The following ONECUT1 variants were observed in gnomAD, a reference collection of about 807,000 sequenced individuals.
ONECUT1 encodes hepatocyte nuclear factor 6.
In ONECUT1, 12 loss-of-function variants were observed where a neutral mutation model predicts 25.6. The ratio of observed to expected loss-of-function variants is 0.47; its 90% confidence interval spans 0.30 to 0.76. The LOEUF (loss-of-function observed/expected upper bound fraction) is 0.76. Ranked by LOEUF, ONECUT1 falls within the 30% of genes least tolerant of loss-of-function variation. The pLI, the probability that ONECUT1 is intolerant of heterozygous loss-of-function variation, is 0.07. For synonymous variants in ONECUT1, 285 were observed against 270.2 expected (o/e 1.05, Z -0.54); for missense variants, 620 against 651.2 (o/e 0.95, Z 0.52).
At chr15:52,773,315 G>C (rs1417239969) in intron 1 of ONECUT1, among the ~76,000 whole-genome samples, 1 of 152,110 alleles carries the variant, frequency 6.6e-6, no homozygotes, top group Non-Finnish European at 1.5e-5. Context: ...TATAAATAGG[G>C]AATGGGGGAA....
intron 1 of ONECUT1, chr15:52,787,238 C>G (rs1375239999): frequency 6.6e-6 from 1 of 152,268 alleles, no homozygotes; most frequent in Non-Finnish European, 1.5e-5. Flanking sequence ...AGGACTTTGC[C>G]TGGGGCGAAC....
At chr15:52,770,600 G>A (rs2083761244) in intron 1 of ONECUT1, among the ~76,000 whole-genome samples, 1 of 152,108 alleles carries the variant, frequency 6.6e-6, no homozygotes, top group South Asian at 2.1e-4. Context: ...CAAAGGGGCG[G>A]CTTGTTCACA....
At chr15:52,774,311 ATTTT>A (rs981601925) in intron 1 of ONECUT1, among the ~76,000 whole-genome samples, 52 of 151,766 alleles carry the variant, frequency 3.4e-4, no homozygotes, top group Admixed American at 6.0e-4. Flanking sequence ...TTATTTATTT[ATTTT>A]TTGAGACAGA....
intron 1 of ONECUT1, among the ~76,000 whole-genome samples, chr15:52,777,737 C>CACACACACACACAAAAAA (rs57187579): frequency 9.7e-6 from 1 of 103,448 alleles, no homozygotes; most frequent in Non-Finnish European, 2.0e-5. Context: ...CACACACACA[C>CACACACACACACAAAAAA]AAAAAAACAT....
At chr15:52,785,462 G>T (rs1422689173) in intron 1 of ONECUT1, among the ~76,000 whole-genome samples, 1 of 152,182 alleles carries the variant, frequency 6.6e-6, no homozygotes, top group Non-Finnish European at 1.5e-5. Context: ...TCCAAGTCCC[G>T]CAGGGCAGGG....
chr15:52,790,053 G>T lies in ONECUT1; in HGVS notation c.-169C>A. 9.6e-7 allele frequency: 1 copy of T among 1,044,924 alleles called. No individual in the cohort carries two copies. Among genetic ancestry groups the T allele is most frequent in the Non-Finnish European group, 1.2e-6 (1 of 807,086 alleles). 64.7% of individuals were successfully genotyped at this position (1,044,924 alleles called of 1,614,324 possible). On this transcript the variant is annotated 5_prime_UTR_variant, in exon 1 of 2. Coordinates refer to ENST00000305901, the MANE Select transcript of ONECUT1 (RefSeq NM_004498.4). ...TCTCTCTCTCCGTGTGTGTGTGTCC[G>T]TGTGTGCGTGTGCGTGTGTGTGTGT...
In ONECUT1 at chr15:52,789,022, T is replaced by C. The variant is rs1170648869; in HGVS notation, c.863A>G (p.Gln288Arg). The change falls in exon 1 of 2, where the codon CAG (glutamine) becomes CGG (arginine). Residue 288 changes from glutamine to arginine, a missense_variant. Gln to Arg is a conservative substitution (Grantham distance 43). This residue lies in a region of ONECUT1 where 146 missense variants were observed against 201.8 expected (regional missense o/e 0.72). Coordinates refer to ENST00000305901, the MANE Select transcript of ONECUT1 (RefSeq NM_004498.4). This position sits in a 1 kb window ranked among gnomAD's most constrained non-coding sequence, Gnocchi z 4.1. ...AQVSNGSNSG[Q>R]MEEINTKEVA... ...CTCTTTGGTATTGATCTCTTCCATC[T>C]GCCCTGAATTACTTCCATTGCTGAC... The C allele has an allele frequency of 6.2e-7, 1 of 1,607,654 alleles. No individual in the cohort carries two copies. The highest frequency in any genetic ancestry group is 8.5e-7 in the Non-Finnish European group (1 of 1,180,028).
At chr15:52,786,392 A>G (rs1203892137) in intron 1 of ONECUT1, among the ~76,000 whole-genome samples, 1 of 152,200 alleles carries the variant, frequency 6.6e-6, no homozygotes, top group African/African-American at 2.4e-5. Context: ...TGTAATAGAC[A>G]TGCTTCCTCA....
chr15:52,787,737 T>G (rs1330078888), intron 1 of ONECUT1: 2 of 152,120 alleles, frequency 1.3e-5, no homozygotes, highest in Non-Finnish European at 2.9e-5. Context: ...TGTCCTTAGC[T>G]CTACCTCCCC....
chr15:52,780,425 G>T (rs137940626), intron 1 of ONECUT1, among the ~76,000 whole-genome samples: 1 of 152,292 alleles, frequency 6.6e-6, no homozygotes, highest in East Asian at 1.9e-4. Flanking sequence ...GATTTTTCCA[G>T]TTGCATCATT....
At chr15:52,759,205 C>G in intron 1 of ONECUT1, among the ~76,000 whole-genome samples, 1 of 152,200 alleles carries the variant, frequency 6.6e-6, no homozygotes, top group African/African-American at 2.4e-5. Flanking sequence ...CCTGTTGCTG[C>G]CTTCCGCTTC....
intron 1 of ONECUT1, among the ~76,000 whole-genome samples, chr15:52,779,643 AAAAAGCCATTTTT>A (rs1253706712): frequency 1.4e-4 from 21 of 152,274 alleles, no homozygotes; most frequent in African/African-American, 4.6e-4. Flanking sequence ...GTGCCTCCTT[AAAAAGCCATTTTT>A]GTAAGGAAAA....
chr15:52,789,830 C>A lies in ONECUT1; in HGVS notation c.55G>T (p.Glu19Ter). The change falls in exon 1 of 2, where the codon GAG becomes TAG. Residue 19 changes from glutamate to a stop codon, truncating the protein, a stop_gained. Transcript: ENST00000305901. LOFTEE classifies it high-confidence loss of function. This position sits in a 1 kb window ranked among gnomAD's most constrained non-coding sequence, Gnocchi z 4.1. Reference protein sequence around the residue: ...AIGELHGVSHEPVPAPADLLG... With the variant: ...AIGELHGVSH ...AGGTCGGCAGGGGCGGGCACCGGCT[C>A]ATGGCTCACCCCGTGCAGCTCGCCG... 1 of 1,540,662 alleles carries A rather than the reference C, an allele frequency of 6.5e-7. No homozygotes were observed. Among genetic ancestry groups the A allele is most frequent in the Non-Finnish European group, 8.7e-7 (1 of 1,155,120 alleles).
intron 1 of ONECUT1, chr15:52,787,809 G>A (rs2083886918): frequency 6.6e-6 from 1 of 152,202 alleles, no homozygotes; most frequent in Non-Finnish European, 1.5e-5. Flanking sequence ...GGTTCGGGCT[G>A]GGCTCAGCTT....
intron 1 of ONECUT1, among the ~76,000 whole-genome samples, chr15:52,777,731 C>CAAAAAAAAAAAAA (rs1370694948): frequency 9.5e-5 from 8 of 84,228 alleles, no homozygotes; most frequent in African/African-American, 4.9e-4. Flanking sequence ...CACACACACA[C>CAAAAAAAAAAAAA]ACACACAAAA....
chr15:52,777,729 C>CAAAAAAAAAAAAA (rs1309303644), intron 1 of ONECUT1, among the ~76,000 whole-genome samples: 1 of 87,358 alleles, frequency 1.1e-5, no homozygotes, highest in African/African-American at 8.3e-5. Flanking sequence ...CACACACACA[C>CAAAAAAAAAAAAA]ACACACACAA....
chr15:52,773,406 C>T (rs1217119683), intron 1 of ONECUT1, among the ~76,000 whole-genome samples: 2 of 152,146 alleles, frequency 1.3e-5, no homozygotes, highest in African/African-American at 2.4e-5. Context: ...GAAATACGTA[C>T]ATGAGCACGT....
Position 52,789,183 on chromosome 15 carries a change from G to A in ONECUT1, c.702C>T (p.Leu234=), listed in dbSNP as rs780845070. The A allele has an allele frequency of 6.3e-7, 1 of 1,583,308 alleles. No homozygotes were observed. The highest frequency in any genetic ancestry group is 1.1e-5 in the South Asian group (1 of 88,240). The stretch of plus-strand genomic sequence containing the variant: ...GCACCATGCCGGCCGAGGTGGGCGT[G>A]AGGTGCTGCTCCCCGTGGCGGCCGA... ...AMLGRHGEQH[L]TPTSAGMVPI... Residue 234 remains leucine (L), a synonymous_variant, in exon 1 of 2, where the codon CTC becomes CTT. Coordinates refer to ENST00000305901, the MANE Select transcript of ONECUT1 (RefSeq NM_004498.4). This position sits in a 1 kb window ranked among gnomAD's most constrained non-coding sequence, Gnocchi z 4.1.
chr15:52,755,673 A>G lies in ONECUT1; in HGVS notation c.*1882T>C, dbSNP rs1487558992. 1.3e-5 allele frequency among the ~76,000 whole-genome samples: 2 copies of G among 152,192 alleles called. No homozygotes were observed. Among genetic ancestry groups the G allele is most frequent in the Non-Finnish European group, 1.5e-5 (1 of 68,020 alleles). ...AGATGGTTCAGTTTTGTTCTTTGGC[A>G]TTTTTAATGAATCTCAATAAAACAA... is the stretch of plus-strand genomic sequence containing the variant. On this transcript the variant is annotated 3_prime_UTR_variant, in exon 2 of 2. Coordinates refer to ENST00000305901, the MANE Select transcript of ONECUT1 (RefSeq NM_004498.4).
Sources: allele counts gnomAD v4.1 joint callset (sites outside exome capture counted in the v4.1 genomes callset), GRCh38; gene constraint gnomAD v4.1.1; regional missense constraint gnomAD v4.1.1; non-coding constraint Gnocchi (gnomAD v3.1); transcripts MANE v1.5; gene names NCBI Gene and HGNC (gene_info 2026-07-23, HGNC 2026-07-21).